LSM12: variants seen among roughly 807,000 people sequenced by gnomAD.
The protein encoded by LSM12 is LSM12 homolog.
For missense variants in LSM12, 108 were observed against 238.9 expected, an observed-to-expected ratio of 0.45 and a Z score of 3.61; for synonymous variants, 74 against 87.3, an observed-to-expected ratio of 0.85 and a Z score of 0.85.
chr17:44,043,642 C>T (rs1395397584), intron 2 of LSM12, among the ~76,000 whole-genome samples: 1 of 147,002 alleles, frequency 6.8e-6, no homozygotes, highest in Admixed American at 7.1e-5. Flanking sequence ...GGAGGAGTTT[C>T]CTTGAATCTT....
At chr17:44,066,064 C>T (rs551611132) in intron 1 of LSM12, among the ~76,000 whole-genome samples, 3 of 152,204 alleles carry the variant, frequency 2.0e-5, no homozygotes, top group Non-Finnish European at 2.9e-5. Flanking sequence ...CAGTTCCTTA[C>T]CCTAAACACC....
intron 2 of LSM12, among the ~76,000 whole-genome samples, chr17:44,042,111 AC>A (rs1211909760): frequency 2.0e-5 from 3 of 152,114 alleles, no homozygotes; most frequent in African/African-American, 7.2e-5. Flanking sequence ...ACATGGTGAA[AC>A]CCCGTCTCTA....
intron 2 of LSM12, among the ~76,000 whole-genome samples, chr17:44,054,743 T>G (rs1204672126): frequency 6.6e-6 from 1 of 152,292 alleles, no homozygotes; most frequent in African/African-American, 2.4e-5. Context: ...TTCCTGATGC[T>G]TCTATGATGA....
chr17:44,045,739 GTGT>G (rs928358283), intron 2 of LSM12, among the ~76,000 whole-genome samples: 1 of 151,018 alleles, frequency 6.6e-6, no homozygotes, highest in African/African-American at 2.4e-5. Flanking sequence ...CCCAGCTAAG[GTGT>G]TGTATTTTTT....
At chr17:44,046,237 C>G (rs574316416) in intron 2 of LSM12, among the ~76,000 whole-genome samples, 1 of 151,806 alleles carries the variant, frequency 6.6e-6, no homozygotes, top group Non-Finnish European at 1.5e-5. Flanking sequence ...GCCCAGCCAA[C>G]GTTTTACTTT....
chr17:44,051,435 G>A (rs372821732), intron 2 of LSM12, among the ~76,000 whole-genome samples: 6 of 150,826 alleles, frequency 4.0e-5, no homozygotes, highest in African/African-American at 9.8e-5. Flanking sequence ...GTGTGGTGGC[G>A]CACTCCTGTG....
intron 2 of LSM12, among the ~76,000 whole-genome samples, chr17:44,055,644 T>G (rs1297200460): frequency 6.7e-6 from 1 of 148,456 alleles, no homozygotes; most frequent in Non-Finnish European, 1.5e-5. Flanking sequence ...ACCACTGCAC[T>G]CTAGCCTGGG....
rs774301186 is a variant in LSM12, at chr17:44,066,564, G to A, written c.24C>T (p.Tyr8=). 1.0e-5 allele frequency: 15 copies of A among 1,485,008 alleles called. No individual in the cohort carries two copies. The highest frequency in any genetic ancestry group is 2.6e-5 in the South Asian group (2 of 77,888). The allele number at this position is 1,485,008 out of a possible 1,614,324, so 92.0% of individuals were successfully genotyped here. A position where few individuals can be genotyped will look rare whatever the true frequency, so the allele number is the denominator to read the frequency against. ...ACGACACCTGGCTCCCAACGCTGAA[G>A]TACTCGCCCGGAGGAGCCGCCATCT... MAAPPGE[Y]FSVGSQVSCR... Residue 8 remains tyrosine (Y), a synonymous_variant, in exon 1 of 5, where the codon TAC becomes TAT. Coordinates refer to ENST00000293406, the MANE Select transcript of LSM12 (RefSeq NM_001371445.1).
At chr17:44,045,582 G>A (rs1322040920) in intron 2 of LSM12, among the ~76,000 whole-genome samples, 1 of 151,894 alleles carries the variant, frequency 6.6e-6, no homozygotes, top group Non-Finnish European at 1.5e-5. Flanking sequence ...TGTTTTTTGT[G>A]TTTTCTGAAA....
chr17:44,047,498 C>T (rs1228129957), intron 2 of LSM12, among the ~76,000 whole-genome samples: 1 of 152,102 alleles, frequency 6.6e-6, no homozygotes, highest in African/African-American at 2.4e-5. Flanking sequence ...TCACCTGCCT[C>T]GGCCTCCCAA....
rs8066666 is a variant in LSM12, at chr17:44,037,818, C to T, written c.369-280G>A. On this transcript the variant is annotated intron_variant, in intron 3 of 4. Transcript: ENST00000293406. ...AGAGCCATAAAAATGTGATAGTGGC[C>T]TCAAGAATCCAAATTAAGATAGCAG... Among the ~76,000 whole-genome samples, 1,373 of 152,254 alleles carry T rather than the reference C, an allele frequency of 9.0e-3. 19 individuals are homozygous for T. The highest frequency in any genetic ancestry group is 0.031 in the African/African-American group (1,290 of 41,534).
chr17:44,045,035 T>C (rs2049543108), intron 2 of LSM12, among the ~76,000 whole-genome samples: 1 of 152,180 alleles, frequency 6.6e-6, no homozygotes, highest in South Asian at 2.1e-4. Flanking sequence ...AAAATCTATT[T>C]CTTTTTTTTT....
chr17:44,066,352 G>C, intron 1 of LSM12, 112 bp downstream of exon 1: 2 of 1,354,134 alleles, frequency 1.5e-6, no homozygotes, highest in South Asian at 1.6e-5. Flanking sequence ...CGCCGCGGTA[G>C]CCGGTCGCCC....
intron 2 of LSM12, among the ~76,000 whole-genome samples, chr17:44,063,068 CA>C (rs985865281): frequency 4.0e-5 from 6 of 150,546 alleles, no homozygotes; most frequent in Admixed American, 4.0e-4. Context: ...GACTCTGTCT[CA>C]AAAAAAACGC....
intron 2 of LSM12, among the ~76,000 whole-genome samples, chr17:44,040,788 G>A (rs1204207992): frequency 6.9e-6 from 1 of 145,474 alleles, no homozygotes; most frequent in Non-Finnish European, 1.5e-5. Flanking sequence ...GCCTGGCCAA[G>A]ATGGTTAAAA....
chr17:44,065,541 A>AT (rs1311371900), intron 1 of LSM12, among the ~76,000 whole-genome samples: 1 of 152,016 alleles, frequency 6.6e-6, no homozygotes, highest in Admixed American at 6.6e-5. Flanking sequence ...GCCGTGGCAC[A>AT]TTTATCCCAA....
chr17:44,049,990 G>A (rs1322960626), intron 2 of LSM12, among the ~76,000 whole-genome samples: 1 of 152,204 alleles, frequency 6.6e-6, no homozygotes, highest in Admixed American at 6.5e-5. Context: ...CAAGCCTGGT[G>A]GGTGTCAAGG....
chr17:44,062,653 G>A (rs979340576), intron 2 of LSM12, among the ~76,000 whole-genome samples: 2 of 152,108 alleles, frequency 1.3e-5, no homozygotes, highest in African/African-American at 4.8e-5. Context: ...TTGGGAGGCT[G>A]AGGCAGGCAG....
rs184748395 is a variant in LSM12, at chr17:44,047,067, C to G, written c.259-6811G>C. Among the ~76,000 whole-genome samples, 111 of 152,146 alleles carry G rather than the reference C, an allele frequency of 7.3e-4. 1 individual carries two copies. Among genetic ancestry groups the G allele is most frequent in the African/African-American group, 2.6e-3 (106 of 41,522 alleles). ...AGTTCTAAATCTGCCACCTACTCAC[C>G]AACACTGGGTACTGTTAGCCTTTCT... On this transcript the variant is annotated intron_variant, in intron 2 of 4. Coordinates refer to ENST00000293406, the MANE Select transcript of LSM12 (RefSeq NM_001371445.1).
Sources: allele counts gnomAD v4.1 joint callset (sites outside exome capture counted in the v4.1 genomes callset), GRCh38; gene constraint gnomAD v4.1.1; transcripts MANE v1.5; gene names NCBI Gene and HGNC (gene_info 2026-07-23, HGNC 2026-07-21).